Variants in IL27RA observed in about 807,000 individuals in gnomAD.
IL27RA encodes interleukin-27 receptor subunit alpha.
A neutral mutation model predicts 80.8 loss-of-function variants in IL27RA; 61 were observed. The ratio of observed to expected loss-of-function variants is 0.76; its 90% CI spans 0.61 to 0.93. The LOEUF (loss-of-function observed/expected upper bound fraction) is 0.93. Among genes scored for constraint, IL27RA ranks in the 40% least tolerant of loss-of-function variants. IL27RA has a pLI of 0.00. For synonymous variants in IL27RA, 316 were observed against 332.5 expected (o/e 0.95, Z 0.54); for missense variants, 735 against 808.1 (o/e 0.91, Z 1.10).
In IL27RA at chr19:14,051,637, G is replaced by T; in HGVS notation, c.1559G>T (p.Gly520Val). ...ACCCTGAGGTGGAAAGTTCTGCCGGGCATCCTATTCTTGTGGGGCTTGTTC... is the reference window on the plus strand; with the variant it reads ...ACCCTGAGGTGGAAAGTTCTGCCGGTCATCCTATTCTTGTGGGGCTTGTTC... ...DNTLRWKVLPGILFLWGLFLL... is the reference protein window; with the variant it reads ...DNTLRWKVLPVILFLWGLFLL... The change falls in exon 12 of 14, where the codon GGC becomes GTC. Residue 520 changes from glycine (G) to valine (V), a missense_variant. Transcript: ENST00000263379. 6.2e-7 allele frequency: 1 copy of T among 1,612,316 alleles called. No individual in the cohort carries two copies. The highest frequency in any genetic ancestry group is 8.5e-7 in the Non-Finnish European group (1 of 1,178,864).
At chr19:14,050,988 C>A in intron 11 of IL27RA, 105 bp downstream of exon 11, 2 of 1,228,002 alleles carry the variant, frequency 1.6e-6, no homozygotes, top group East Asian at 2.5e-5. Flanking sequence ...GTGGCTCACC[C>A]CTGTAATCCT....
chr19:14,032,634 C>CAAAAAAA lies in IL27RA; in HGVS notation c.218+147_218+153dup, dbSNP rs766574764. 9.6e-5 allele frequency: 9 copies of CAAAAAAA among 93,682 alleles called. No homozygotes were observed. In the South Asian group the frequency reaches 1.0e-3, roughly 11 times the overall value. 5.8% of individuals were successfully genotyped at this position (93,682 alleles called of 1,614,324 possible). A position where few individuals can be genotyped will look rare whatever the true frequency, so the allele number is the denominator to read the frequency against. ...TGAAACCCTGTCTATACTAAAAATACAAAAAAAAAAAAAAAAAAAAAATTA... is the reference window on the plus strand; with the variant it reads ...TGAAACCCTGTCTATACTAAAAATACAAAAAAAAAAAAAAAAAAAAAAAAAAAAATTA... On this transcript the variant is annotated intron_variant, in intron 2 of 13. Coordinates refer to ENST00000263379, the MANE Select transcript of IL27RA (RefSeq NM_004843.4).
At chr19:14,043,489 A>C (rs898879854) in intron 6 of IL27RA, among the ~76,000 whole-genome samples, 2 of 151,834 alleles carry the variant, frequency 1.3e-5, no homozygotes, top group East Asian at 3.9e-4. Flanking sequence ...GCGTCATCTC[A>C]TCTCAGCTCA....
intron 2 of IL27RA, among the ~76,000 whole-genome samples, chr19:14,038,740 C>T (rs780461355): frequency 3.3e-5 from 5 of 151,056 alleles, no homozygotes; most frequent in African/African-American, 4.9e-5. Flanking sequence ...CAAAACTAGC[C>T]GGGAGTGGTG....
At position 14,031,902 on chromosome 19, in the gene IL27RA, G is replaced by T; in HGVS notation, c.30G>T (p.Trp10Cys). ...GGGGAGGCAGGGGCGCCCCTTTCTG[G>T]CTGTGGCCGCTGCCCAAGCTGGCGC... is the stretch of plus-strand genomic sequence containing the variant. Reference protein sequence around the residue: MRGGRGAPFWLWPLPKLALL... With the variant: MRGGRGAPFCLWPLPKLALL... The change falls in exon 1 of 14, where the codon TGG (tryptophan) becomes TGT (cysteine). Residue 10 changes from tryptophan (W) to cysteine (C), a missense_variant. By Grantham distance (215) the Trp-to-Cys change is radical. Transcript: ENST00000263379. 1 of 1,605,162 alleles carries T rather than the reference G, an allele frequency of 6.2e-7. No homozygotes were observed. Among genetic ancestry groups the T allele is most frequent in the Non-Finnish European group, 8.5e-7 (1 of 1,176,666 alleles).
In IL27RA at chr19:14,033,704, C is replaced by T. The variant is rs541283117; in HGVS notation, c.218+1201C>T. Among the ~76,000 whole-genome samples, 270 of 151,492 alleles carry T rather than the reference C, an allele frequency of 1.8e-3. 1 individual carries two copies. The highest frequency in any genetic ancestry group is 6.2e-3 in the African/African-American group (254 of 41,290). On this transcript the variant is annotated intron_variant, in intron 2 of 13. Coordinates refer to ENST00000263379, the MANE Select transcript of IL27RA (RefSeq NM_004843.4). ...AAATAAAAGCTGGCGTGGTGGCTCA[C>T]GCCTATAATCTCAGCACTTTGGGAG...
At chr19:14,048,248 G>A (rs1394314510) in intron 8 of IL27RA, among the ~76,000 whole-genome samples, 3 of 151,492 alleles carry the variant, frequency 2.0e-5, no homozygotes, top group African/African-American at 7.3e-5. Flanking sequence ...ATGAGCCACG[G>A]TACCTGGCAA....
chr19:14,039,998 T>A (rs1975967255), intron 4 of IL27RA, 88 bp downstream of exon 4: 1 of 1,332,794 alleles, frequency 7.5e-7, no homozygotes, highest in African/African-American at 1.5e-5. Context: ...CCAGGACTCA[T>A]TCTGTGCCTG....
At chr19:14,049,445 G>T in intron 10 of IL27RA, 131 bp downstream of exon 10, 1 of 788,080 alleles carries the variant, frequency 1.3e-6, no homozygotes, top group Non-Finnish European at 1.9e-6. Flanking sequence ...ATTCCCTCTT[G>T]GCTATCAATG....
chr19:14,047,375 GAT>G (rs1338455270), intron 8 of IL27RA, among the ~76,000 whole-genome samples: 2 of 138,076 alleles, frequency 1.4e-5, no homozygotes, highest in African/African-American at 5.7e-5. Flanking sequence ...TTTTTTTTGA[GAT>G]GGAGGCTGGC....
intron 2 of IL27RA, among the ~76,000 whole-genome samples, chr19:14,037,690 A>G (rs563021413): frequency 1.3e-5 from 2 of 152,040 alleles, no homozygotes; most frequent in Admixed American, 6.5e-5. Context: ...CCTTTATTCA[A>G]ATGTCTCCTC....
In IL27RA at chr19:14,046,322, T is replaced by C; in HGVS notation, c.937T>C (p.Ser313Pro). Residue 313 changes from serine (S) to proline (P), a missense_variant, in exon 7 of 14, where the codon TCT (serine) becomes CCT (proline). By Grantham distance (74) the Ser-to-Pro change is moderately conservative. Transcript: ENST00000263379. ...AAGCTGGGAGCCTCTCACCAACCTC[T>C]CTTTGGTCTGCTTGGGTAAGAGACT... ...ATSWEPLTNLSLVCLDSASAP... is the reference protein window; with the variant it reads ...ATSWEPLTNLPLVCLDSASAP... 6.2e-7 allele frequency: 1 copy of C among 1,613,880 alleles called. No individual in the cohort carries two copies. Among genetic ancestry groups the C allele is most frequent in the Admixed American group, 1.7e-5 (1 of 59,994 alleles).
Position 14,046,321 on chromosome 19 carries a change from C to T in IL27RA, c.936C>T (p.Leu312=). 6.2e-7 allele frequency: 1 copy of T among 1,613,942 alleles called. No homozygotes were observed. The highest frequency in any genetic ancestry group is 8.5e-7 in the Non-Finnish European group (1 of 1,179,902). ...CAAGCTGGGAGCCTCTCACCAACCT[C>T]TCTTTGGTCTGCTTGGGTAAGAGAC... ...NATSWEPLTN[L]SLVCLDSASA... Residue 312 remains leucine, a synonymous_variant, in exon 7 of 14, where the codon CTC becomes CTT. Coordinates refer to ENST00000263379, the MANE Select transcript of IL27RA (RefSeq NM_004843.4).
Position 14,035,827 on chromosome 19 carries a change from C to G in IL27RA, c.218+3324C>G, listed in dbSNP as rs371416009. 1.1e-4 allele frequency among the ~76,000 whole-genome samples: 17 copies of G among 152,012 alleles called. No homozygotes were observed. The East Asian group carries it at 1.7e-3, about 16-fold the overall frequency. On this transcript the variant is annotated intron_variant, in intron 2 of 13. Transcript: ENST00000263379. ...AAGAGGTCTTGCTCTGTCACCCAGG[C>G]TAGAGTGCAGCGGTGCGATCATAGC...
At chr19:14,032,281 T>C (rs1568497675) in intron 1 of IL27RA, 105 bp from the exon 2 acceptor site, 10 of 902,264 alleles carry the variant, frequency 1.1e-5, no homozygotes, top group Non-Finnish European at 1.7e-5. Flanking sequence ...CTCATTTCCC[T>C]AAGCCCCCCC....
chr19:14,036,326 C>G (rs185873076), intron 2 of IL27RA, among the ~76,000 whole-genome samples: 7 of 151,908 alleles, frequency 4.6e-5, no homozygotes, highest in South Asian at 4.1e-4. Flanking sequence ...ATCTTCTCCC[C>G]CTAGCCTCTG....
chr19:14,046,430 A>G lies in IL27RA; in HGVS notation c.953A>G (p.Asp318Gly). 2 of 1,614,106 alleles carry G rather than the reference A, an allele frequency of 1.2e-6. No homozygotes were observed. Among genetic ancestry groups the G allele is most frequent in the South Asian group, 2.2e-5 (2 of 91,086 alleles). ...PLTNLSLVCLDSASAPRSVAV... is the reference protein window; with the variant it reads ...PLTNLSLVCLGSASAPRSVAV... ...GCTGAGACTTCTCTCCACCCTCCAG[A>G]TTCAGCCTCTGCCCCCCGTAGCGTG... is the stretch of plus-strand genomic sequence containing the variant. The change falls in exon 8 of 14, where the codon GAT (aspartate) becomes GGT (glycine). Residue 318 changes from aspartate (D) to glycine (G), a missense_variant and splice_region_variant. Physicochemically the swap from Asp to Gly is moderately conservative, Grantham distance 94. Coordinates refer to ENST00000263379, the MANE Select transcript of IL27RA (RefSeq NM_004843.4).
At chr19:14,042,881 G>A in intron 6 of IL27RA, 92 bp downstream of exon 6, 1 of 1,172,244 alleles carries the variant, frequency 8.5e-7, no homozygotes, top group South Asian at 1.2e-5. Flanking sequence ...GCTCACGCTT[G>A]TAATCCCAAC....
chr19:14,040,949 G>A (rs1760872121), intron 4 of IL27RA, among the ~76,000 whole-genome samples: 1 of 150,722 alleles, frequency 6.6e-6, no homozygotes, highest in Admixed American at 6.6e-5. Flanking sequence ...AATTGCCCAG[G>A]CTGGAGTGCA....
Sources: allele counts gnomAD v4.1 joint callset (sites outside exome capture counted in the v4.1 genomes callset), GRCh38; gene constraint gnomAD v4.1.1; transcripts MANE v1.5; gene names NCBI Gene and HGNC (gene_info 2026-07-23, HGNC 2026-07-21).